The following DSE variants were observed in gnomAD, a reference collection of about 807,000 sequenced individuals.
DSE encodes the protein dermatan sulfate epimerase.
A neutral mutation model predicts 84.4 loss-of-function variants in DSE; 36 were observed. That is an observed-to-expected ratio of 0.43 (90% CI 0.33 to 0.56). DSE has a LOEUF of 0.56. Among genes scored for constraint, DSE ranks in the 20% least tolerant of loss-of-function variants. DSE has a pLI of 0.06. For synonymous variants in DSE, 410 were observed against 430.1 expected (o/e 0.95, Z 0.58); for missense variants, 862 against 1,169.6 (o/e 0.74, Z 3.84).
chr6:116,372,402 A>C (rs1473159805), intron 1 of DSE, among the ~76,000 whole-genome samples: 2 of 152,216 alleles, frequency 1.3e-5, no homozygotes, highest in Non-Finnish European at 2.9e-5. Context: ...CAGGAGGCGG[A>C]GCTTGCAGTG....
Position 116,305,176 on chromosome 6 carries a change from C to T in DSE, c.-54+46209C>T, listed in dbSNP as rs1479728876. 7.3e-5 allele frequency among the ~76,000 whole-genome samples: 11 copies of T among 151,596 alleles called. No individual in the cohort carries two copies. The East Asian group carries it at 1.9e-3, about 27-fold the overall frequency. On this transcript the variant is annotated intron_variant, in intron 2 of 3. Coordinates refer to the DSE transcript ENST00000430252. ...TTTTGCACATAACCTGCGCTAAATC[C>T]TGTTGGGTCTCCCACATAAGTGTCC...
At chr6:116,435,236 G>A (rs531224790) in intron 5 of DSE, among the ~76,000 whole-genome samples, 1 of 152,282 alleles carries the variant, frequency 6.6e-6, no homozygotes, top group South Asian at 2.1e-4. Context: ...TAGAAGAGGA[G>A]CCCCTCAACC....
chr6:116,433,325 T>A lies in DSE; in HGVS notation c.911-18T>A. On this transcript the variant is annotated intron_variant, in intron 4 of 5. Transcript: ENST00000644252. Reference sequence around the variant, plus strand: ...AAGTTTTCAAAGTATCTTAATTCTTTCCAACTTATTTCCCTAGGGTTTCAA... The same window carrying A: ...AAGTTTTCAAAGTATCTTAATTCTTACCAACTTATTTCCCTAGGGTTTCAA... 1 of 1,549,680 alleles carries A rather than the reference T, an allele frequency of 6.5e-7. No homozygotes were observed. Among genetic ancestry groups the A allele is most frequent in the African/African-American group, 1.4e-5 (1 of 73,094 alleles).
chr6:116,306,048 A>G (rs1007107911), intron 2 of DSE, among the ~76,000 whole-genome samples: 2 of 152,170 alleles, frequency 1.3e-5, no homozygotes, highest in Non-Finnish European at 2.9e-5. Context: ...ATGTATGTAC[A>G]TGTGAGTATG....
chr6:116,403,843 G>A (rs1781753549), intron 2 of DSE, among the ~76,000 whole-genome samples: 1 of 152,186 alleles, frequency 6.6e-6, no homozygotes, highest in African/African-American at 2.4e-5. Context: ...GTGTACGTAT[G>A]ATGAATTGCA....
chr6:116,342,930 C>T (rs572081445), intron 2 of DSE, among the ~76,000 whole-genome samples: 88 of 152,244 alleles, frequency 5.8e-4, no homozygotes, highest in Non-Finnish European at 1.1e-3. Flanking sequence ...CCTGGAAAAT[C>T]GGGACACTTC....
At chr6:116,418,733 T>A (rs955417479) in intron 2 of DSE, among the ~76,000 whole-genome samples, 2 of 152,180 alleles carry the variant, frequency 1.3e-5, no homozygotes, top group Non-Finnish European at 2.9e-5. Flanking sequence ...GTGACATTCT[T>A]TGAAAGCGCC....
intron 2 of DSE, among the ~76,000 whole-genome samples, chr6:116,273,759 T>TA (rs1462839456): frequency 1.3e-5 from 2 of 152,136 alleles, no homozygotes; most frequent in Non-Finnish European, 2.9e-5. Flanking sequence ...AATCCTTACT[T>TA]ATGCTAGTAT....
At chr6:116,402,239 G>C (rs1781643469) in intron 2 of DSE, among the ~76,000 whole-genome samples, 1 of 152,154 alleles carries the variant, frequency 6.6e-6, no homozygotes, top group African/African-American at 2.4e-5. Flanking sequence ...CATTTCATAA[G>C]GAGTTTCCTT....
In DSE at chr6:116,399,193, C is replaced by G; in HGVS notation, c.-53-5C>G. The G allele has an allele frequency of 1.2e-6, 2 of 1,607,696 alleles. No individual in the cohort carries two copies. Among genetic ancestry groups the G allele is most frequent in the Non-Finnish European group, 1.7e-6 (2 of 1,179,164 alleles). ...GACACTTTTTTTCCTTTTTATCTCA[C>G]GTAGGATCTTTCGAAGATGGTTTGG... On this transcript the variant is annotated splice_region_variant and splice_polypyrimidine_tract_variant and intron_variant, in intron 1 of 5. Coordinates refer to ENST00000644252, the MANE Select transcript of DSE (RefSeq NM_013352.4).
At chr6:116,360,957 CTAT>C (rs1427646621) in intron 2 of DSE, among the ~76,000 whole-genome samples, 4 of 151,948 alleles carry the variant, frequency 2.6e-5, no homozygotes, top group African/African-American at 4.8e-5. Flanking sequence ...TTTTTTACAG[CTAT>C]TATTGTAAAA....
In DSE at chr6:116,399,329, G is replaced by A. The variant is rs1213311228; in HGVS notation, c.79G>A (p.Glu27Lys). Reference sequence around the variant, plus strand: ...CTTTGTGTCAGCCTACATCACCGACGAGAACCCAGAAGTTATGATTCCCTT... The same window carrying A: ...CTTTGTGTCAGCCTACATCACCGACAAGAACCCAGAAGTTATGATTCCCTT... ...LCFVSAYITDENPEVMIPFTN... is the reference protein window; with the variant it reads ...LCFVSAYITDKNPEVMIPFTN... Residue 27 changes from glutamate (E) to lysine (K), a missense_variant, in exon 2 of 6, where the codon GAG becomes AAG. This residue lies in a region of DSE where 52 missense variants were observed against 49.6 expected (regional missense o/e 1.05). Transcript: ENST00000644252. 9 of 1,613,960 alleles carry A rather than the reference G, an allele frequency of 5.6e-6. No homozygotes were observed. The highest frequency in any genetic ancestry group is 1.3e-5 in the African/African-American group (1 of 75,028).
intron 1 of DSE, among the ~76,000 whole-genome samples, chr6:116,374,536 T>C (rs1237545096): frequency 6.6e-6 from 1 of 152,180 alleles, no homozygotes; most frequent in African/African-American, 2.4e-5. Flanking sequence ...TCTTAAATGC[T>C]TACTCTATTT....
Position 116,327,010 on chromosome 6 carries a change from G to A in DSE, c.-54+68043G>A, listed in dbSNP as rs185889839. On this transcript the variant is annotated intron_variant, in intron 2 of 3. Coordinates refer to the DSE transcript ENST00000430252. ...AGGCTGTTGTTGGGGTCATTTGTAT[G>A]ATCTTCAAATATTCAGGCCTTCTGT... is the stretch of plus-strand genomic sequence containing the variant. 4.3e-4 allele frequency among the ~76,000 whole-genome samples: 66 copies of A among 152,280 alleles called. 1 individual carries two copies. Among genetic ancestry groups the A allele is most frequent in the Non-Finnish European group, 2.5e-4 (17 of 68,010 alleles).
chr6:116,280,274 C>T, intron 2 of DSE: 1 of 244,818 alleles, frequency 4.1e-6, no homozygotes, highest in South Asian at 4.6e-5. Flanking sequence ...AATCTATTCC[C>T]TGTTACTCCA....
At chr6:116,297,769 T>A (rs1166004245) in intron 2 of DSE, among the ~76,000 whole-genome samples, 1 of 152,248 alleles carries the variant, frequency 6.6e-6, no homozygotes, top group Non-Finnish European at 1.5e-5. Flanking sequence ...GTGGCATTTC[T>A]CTAGCATCTC....
chr6:116,365,436 G>GT (rs1261721741), upstream of DSE, among the ~76,000 whole-genome samples: 2 of 151,924 alleles, frequency 1.3e-5, no homozygotes, highest in African/African-American at 4.8e-5. Context: ...TGTATATTTA[G>GT]TAGAGACGGG....
At chr6:116,386,594 C>T (rs1204913653) in intron 1 of DSE, among the ~76,000 whole-genome samples, 3 of 152,176 alleles carry the variant, frequency 2.0e-5, no homozygotes, top group African/African-American at 7.2e-5. Context: ...GCCTTGGTGT[C>T]CTGGGCTTTT....
intron 2 of DSE, among the ~76,000 whole-genome samples, chr6:116,333,023 C>T (rs960049550): frequency 6.6e-6 from 1 of 152,150 alleles, no homozygotes; most frequent in Non-Finnish European, 1.5e-5. Flanking sequence ...TCCTGATAAT[C>T]TCAACTGTGG....
Sources: allele counts gnomAD v4.1 joint callset (sites outside exome capture counted in the v4.1 genomes callset), GRCh38; gene constraint gnomAD v4.1.1; regional missense constraint gnomAD v4.1.1; transcripts MANE v1.5; gene names NCBI Gene and HGNC (gene_info 2026-07-23, HGNC 2026-07-21).